Variants in PLPPR1 observed in about 807,000 individuals in gnomAD.
PLPPR1 encodes phospholipid phosphatase related 1.
In PLPPR1, 10 loss-of-function variants were observed where a neutral mutation model predicts 33.1. That is an observed-to-expected ratio of 0.30 (90% confidence interval 0.19 to 0.51). The LOEUF is 0.51. PLPPR1 is among the 20% of genes least tolerant of loss of function. PLPPR1 has a pLI of 0.97. For synonymous variants in PLPPR1, 151 were observed against 151.0 expected (o/e 1.00, Z 0.00); for missense variants, 304 against 408.1 (o/e 0.74, Z 2.20).
At chr9:101,249,857 ATCTCT>A (rs1554683981) in intron 2 of PLPPR1, among the ~76,000 whole-genome samples, 8 of 152,114 alleles carry the variant, frequency 5.3e-5, no homozygotes, top group African/African-American at 1.4e-4. Flanking sequence ...TAGCTGGCAC[ATCTCT>A]TCTCATCTCT....
chr9:101,273,324 G>A (rs888179268), intron 3 of PLPPR1, among the ~76,000 whole-genome samples: 2 of 152,194 alleles, frequency 1.3e-5, no homozygotes, highest in African/African-American at 4.8e-5. Context: ...CAATAACAGT[G>A]ACTCTGGTAA....
At chr9:101,030,643 T>C (rs1383447514) in intron 1 of PLPPR1, among the ~76,000 whole-genome samples, 1 of 151,578 alleles carries the variant, frequency 6.6e-6, no homozygotes, top group Non-Finnish European at 1.5e-5. Flanking sequence ...TTAGGAAAAG[T>C]GTATGGGGAA....
chr9:101,087,209 A>AAT (rs1830689614), intron 1 of PLPPR1, among the ~76,000 whole-genome samples: 1 of 151,984 alleles, frequency 6.6e-6, no homozygotes, highest in African/African-American at 2.4e-5. Flanking sequence ...ATAAAAATAA[A>AAT]AAAAATTGAG....
In PLPPR1 at chr9:101,053,892, C is replaced by G. The variant is rs184954926; in HGVS notation, c.-46+24790C>G. On this transcript the variant is annotated intron_variant, in intron 1 of 7. Transcript: ENST00000374874. ...TCTCTAGAAAAAGGTATATAAAACC[C>G]CATTTATCAGGCTGGGAGAGGTGGC... is the stretch of plus-strand genomic sequence containing the variant. Among the ~76,000 whole-genome samples, 469 of 152,192 alleles carry G rather than the reference C, an allele frequency of 3.1e-3. 3 individuals are homozygous for G. Among genetic ancestry groups the G allele is most frequent in the Non-Finnish European group, 4.6e-3 (312 of 67,990 alleles).
chr9:101,240,916 T>C (rs1310346065), intron 2 of PLPPR1, among the ~76,000 whole-genome samples: 3 of 152,064 alleles, frequency 2.0e-5, no homozygotes, highest in East Asian at 3.9e-4. Context: ...TGCTATTTGC[T>C]AAGTGTATAG....
At chr9:101,162,805 C>G (rs1211138019) in intron 1 of PLPPR1, among the ~76,000 whole-genome samples, 1 of 152,090 alleles carries the variant, frequency 6.6e-6, no homozygotes, top group Non-Finnish European at 1.5e-5. Flanking sequence ...TTGTTCTGTG[C>G]TGTGGGGAAT....
chr9:101,044,370 A>C (rs570982440), intron 1 of PLPPR1, among the ~76,000 whole-genome samples: 1 of 152,146 alleles, frequency 6.6e-6, no homozygotes, highest in Admixed American at 6.5e-5. Flanking sequence ...AACACAGAAA[A>C]CATTTGGAAG....
intron 4 of PLPPR1, among the ~76,000 whole-genome samples, chr9:101,293,293 A>C (rs2118927567): frequency 6.6e-6 from 1 of 151,972 alleles, no homozygotes; most frequent in Middle Eastern, 3.4e-3. Flanking sequence ...GACCACCCAG[A>C]TTCATAAAGC....
intron 2 of PLPPR1, chr9:101,187,947 T>C (rs1826232412): frequency 6.6e-6 from 1 of 152,050 alleles, no homozygotes; most frequent in Admixed American, 6.6e-5. Context: ...ATGTTTCCCA[T>C]GCATGGTTTA....
chr9:101,203,653 TC>T, intron 2 of PLPPR1, among the ~76,000 whole-genome samples: 1 of 151,838 alleles, frequency 6.6e-6, no homozygotes, highest in Admixed American at 6.6e-5. Flanking sequence ...AACACATATA[TC>T]TATGTGTGAT....
chr9:101,241,483 G>A (rs1827463607), intron 2 of PLPPR1, among the ~76,000 whole-genome samples: 1 of 152,048 alleles, frequency 6.6e-6, no homozygotes, highest in African/African-American at 2.4e-5. Flanking sequence ...TTTGTGTTGG[G>A]CCACATTCAA....
intron 1 of PLPPR1, among the ~76,000 whole-genome samples, chr9:101,182,813 A>G (rs757649917): frequency 1.3e-5 from 2 of 151,772 alleles, no homozygotes; most frequent in Non-Finnish European, 3.0e-5. Flanking sequence ...AATAAGACGA[A>G]CAACCCAACC....
chr9:101,113,907 TTA>T (rs1831088499), intron 1 of PLPPR1, among the ~76,000 whole-genome samples: 1 of 152,102 alleles, frequency 6.6e-6, no homozygotes, highest in African/African-American at 2.4e-5. Context: ...CTTGGAAAGG[TTA>T]GCTGCAGGGT....
At chr9:101,063,204 A>C (rs907889017) in intron 1 of PLPPR1, among the ~76,000 whole-genome samples, 1 of 152,020 alleles carries the variant, frequency 6.6e-6, no homozygotes, top group African/African-American at 2.4e-5. Flanking sequence ...ATTTCTTTTC[A>C]TTTAAAAGAA....
chr9:101,116,222 A>T (rs2118585339), intron 1 of PLPPR1, among the ~76,000 whole-genome samples: 1 of 152,316 alleles, frequency 6.6e-6, no homozygotes, highest in South Asian at 2.1e-4. Context: ...GTCTGTTATT[A>T]GATTCTAGTC....
At chr9:101,272,937 A>G (rs1828125899) in intron 3 of PLPPR1, among the ~76,000 whole-genome samples, 1 of 152,202 alleles carries the variant, frequency 6.6e-6, no homozygotes, top group Non-Finnish European at 1.5e-5. Context: ...TAAAAATACA[A>G]AGATTTGTAT....
At chr9:101,188,667 A>G (rs1470410099) in intron 2 of PLPPR1, among the ~76,000 whole-genome samples, 1 of 151,786 alleles carries the variant, frequency 6.6e-6, no homozygotes, top group African/African-American at 2.4e-5. Context: ...ACCATCATCT[A>G]CTTTGGATTA....
At chr9:101,288,573 A>AT (rs1554688107) in intron 4 of PLPPR1, among the ~76,000 whole-genome samples, 2 of 148,556 alleles carry the variant, frequency 1.3e-5, no homozygotes, top group African/African-American at 2.6e-5. Context: ...AAATAAAAAA[A>AT]TAAAAAAAAA....
chr9:101,251,959 C>G (rs530274978), intron 2 of PLPPR1, among the ~76,000 whole-genome samples: 8 of 152,112 alleles, frequency 5.3e-5, no homozygotes, highest in Admixed American at 2.0e-4. Context: ...AAATATACAC[C>G]AAGTATTAGT....
Sources: allele counts gnomAD v4.1 joint callset (sites outside exome capture counted in the v4.1 genomes callset), GRCh38; gene constraint gnomAD v4.1.1; transcripts MANE v1.5; gene names NCBI Gene and HGNC (gene_info 2026-07-23, HGNC 2026-07-21).